Variants in ZFHX3 observed in about 807,000 individuals in gnomAD.
ZFHX3 encodes the protein zinc finger homeobox 3, also known as zinc finger homeobox protein 3.
In ZFHX3, 42 loss-of-function variants were observed where a neutral mutation model predicts 279.1. That is an observed-to-expected ratio of 0.15 (90% CI 0.12 to 0.19). The LOEUF is 0.19. Among genes scored for constraint, ZFHX3 ranks in the 10% least tolerant of loss-of-function variants. ZFHX3 has a pLI of 1.00. For synonymous variants in ZFHX3, 2,293 were observed against 1,957.8 expected (o/e 1.17, Z -4.52); for missense variants, 4,981 against 4,754.0 (o/e 1.05, Z -1.40).
chr16:73,334,762 C>A (rs891314755), intron 3 of ZFHX3, among the ~76,000 whole-genome samples: 5 of 145,440 alleles, frequency 3.4e-5, no homozygotes, highest in South Asian at 2.3e-4. Flanking sequence ...CTGTGATCTT[C>A]CATTAAATTG....
intron 1 of ZFHX3, among the ~76,000 whole-genome samples, chr16:73,683,190 A>C (rs1283331190): frequency 6.6e-6 from 1 of 152,214 alleles, no homozygotes; most frequent in Non-Finnish European, 1.5e-5. Flanking sequence ...TCAGCGATGT[A>C]TATAATGGGT....
At chr16:72,884,817 G>A (rs551068620) in intron 4 of ZFHX3, among the ~76,000 whole-genome samples, 3 of 152,162 alleles carry the variant, frequency 2.0e-5, no homozygotes, top group Non-Finnish European at 4.4e-5. Context: ...TTTTTCAAGA[G>A]CTTCTGGTAA....
chr16:73,422,814 A>G (rs2017741988), intron 3 of ZFHX3, among the ~76,000 whole-genome samples: 1 of 152,220 alleles, frequency 6.6e-6, no homozygotes, highest in Non-Finnish European at 1.5e-5. Context: ...AAACTGTGAA[A>G]CAGACAATCC....
Position 72,959,394 on chromosome 16 carries a change from G to C in ZFHX3, c.752C>G (p.Ala251Gly). The C allele has an allele frequency of 6.2e-7, 1 of 1,614,228 alleles. No individual in the cohort carries two copies. Among genetic ancestry groups the C allele is most frequent in the African/African-American group, 1.3e-5 (1 of 75,064 alleles). The change falls in exon 2 of 10, where the codon GCC becomes GGC. Residue 251 changes from alanine to glycine, a missense_variant. Transcript: ENST00000268489. The part of the protein sequence containing the change: ...NKDYLNSDGS[A>G]KSSCVSKDVP... ...ATCTTTGGATACGCAGGAGCTTTTG[G>C]CAGAACCGTCGCTGTTCAGGTAATC...
intron 2 of ZFHX3, among the ~76,000 whole-genome samples, chr16:73,616,046 T>G (rs1444999394): frequency 6.6e-6 from 1 of 152,050 alleles, no homozygotes; most frequent in African/African-American, 2.4e-5. Flanking sequence ...TTAGAATGTT[T>G]GGATTGAAAG....
intron 7 of ZFHX3, among the ~76,000 whole-genome samples, chr16:72,803,576 T>TACA (rs958621493): frequency 4.6e-5 from 7 of 152,302 alleles, no homozygotes; most frequent in African/African-American, 1.7e-4. Context: ...GCCGCAATCC[T>TACA]ACAATGTCCA....
In ZFHX3 at chr16:72,950,800, C is replaced by T; in HGVS notation, c.2885G>A (p.Gly962Asp). 1 of 1,614,188 alleles carries T rather than the reference C, an allele frequency of 6.2e-7. No individual in the cohort carries two copies. The highest frequency in any genetic ancestry group is 1.3e-5 in the African/African-American group (1 of 75,066). Residue 962 changes from glycine to aspartate, a missense_variant, in exon 3 of 10, where the codon GGC (glycine) becomes GAC (aspartate). By Grantham distance (94) the Gly-to-Asp change is moderately conservative. This residue lies in a region of ZFHX3 where 1,751 missense variants were observed against 1,770.0 expected (regional missense o/e 0.99). Coordinates refer to ENST00000268489, the MANE Select transcript of ZFHX3 (RefSeq NM_006885.4). Reference protein sequence around the residue: ...KFTTDNLDMLGLHMNVERSLS... With the variant: ...KFTTDNLDMLDLHMNVERSLS... Reference sequence around the variant, plus strand: ...GCTGCGCTCCACGTTCATGTGCAGGCCCAGCATGTCCAGGTTGTCCGTCGT... The same window carrying T: ...GCTGCGCTCCACGTTCATGTGCAGGTCCAGCATGTCCAGGTTGTCCGTCGT...
intron 4 of ZFHX3, among the ~76,000 whole-genome samples, chr16:73,310,928 C>T (rs1884555166): frequency 6.6e-6 from 1 of 152,124 alleles, no homozygotes; most frequent in Non-Finnish European, 1.5e-5. Context: ...GCATCACACA[C>T]ATGTCATAAA....
chr16:73,514,781 G>C (rs1419201750), intron 2 of ZFHX3, among the ~76,000 whole-genome samples: 1 of 152,080 alleles, frequency 6.6e-6, no homozygotes, highest in Non-Finnish European at 1.5e-5. Flanking sequence ...AAGGAGGAAG[G>C]CTGGTGAGGG....
chr16:73,017,337 GGGTCTTAGTTT>G (rs1964139035), intron 1 of ZFHX3, among the ~76,000 whole-genome samples: 1 of 152,036 alleles, frequency 6.6e-6, no homozygotes, highest in African/African-American at 2.4e-5. Context: ...CAGGGGAGTG[GGGTCTTAGTTT>G]TGCTCTCATT....
chr16:73,288,493 A>G (rs1388211882), intron 4 of ZFHX3, among the ~76,000 whole-genome samples: 4 of 152,214 alleles, frequency 2.6e-5, no homozygotes, highest in Middle Eastern at 3.2e-3. Context: ...CTTCACCTAC[A>G]GAAAATGAGA....
chr16:72,919,069 G>C (rs1041831296), intron 3 of ZFHX3, among the ~76,000 whole-genome samples: 7 of 152,000 alleles, frequency 4.6e-5, no homozygotes, highest in African/African-American at 1.7e-4. Flanking sequence ...AGATGTGCCT[G>C]GAGGTTGTTA....
chr16:73,575,359 C>T (rs1183818076), intron 2 of ZFHX3, among the ~76,000 whole-genome samples: 2 of 152,174 alleles, frequency 1.3e-5, no homozygotes, highest in Non-Finnish European at 1.5e-5. Flanking sequence ...CACAATCTCC[C>T]TGTTCCGGGC....
At chr16:73,470,976 AACAGGATTCT>A (rs2018655551) in intron 2 of ZFHX3, among the ~76,000 whole-genome samples, 1 of 152,214 alleles carries the variant, frequency 6.6e-6, no homozygotes, top group Non-Finnish European at 1.5e-5. Context: ...CACTAAGAAG[AACAGGATTCT>A]ACAGTGTGGT....
chr16:72,983,577 C>G (rs751687870), intron 1 of ZFHX3, among the ~76,000 whole-genome samples: 7 of 152,130 alleles, frequency 4.6e-5, no homozygotes, highest in Non-Finnish European at 1.0e-4. Context: ...AGTGGTGGCA[C>G]CCACCTGTAG....
chr16:72,883,304 CAAACTACG>C (rs565747113), intron 4 of ZFHX3, among the ~76,000 whole-genome samples: 1 of 152,082 alleles, frequency 6.6e-6, no homozygotes, highest in Non-Finnish European at 1.5e-5. Context: ...ACAGAGTAAT[CAAACTACG>C]AATATTGGCA....
intron 7 of ZFHX3, among the ~76,000 whole-genome samples, chr16:72,811,131 C>G (rs1473288949): frequency 1.3e-5 from 2 of 152,134 alleles, no homozygotes; most frequent in Non-Finnish European, 2.9e-5. Flanking sequence ...GCAATCCCCC[C>G]ACCACGGCCT....
At chr16:73,585,135 A>T (rs930773560) in intron 2 of ZFHX3, among the ~76,000 whole-genome samples, 2 of 152,234 alleles carry the variant, frequency 1.3e-5, no homozygotes, top group African/African-American at 2.4e-5. Flanking sequence ...TAAAACAAAC[A>T]GGTCAGGTGC....
intron 1 of ZFHX3, among the ~76,000 whole-genome samples, chr16:73,782,553 C>A (rs1034829519): frequency 2.0e-5 from 3 of 152,156 alleles, no homozygotes; most frequent in African/African-American, 7.2e-5. Context: ...ACATGAATAT[C>A]CTTGAGTGAA....
Sources: gnomAD v4.1 joint callset for allele counts (sites outside exome capture counted in the v4.1 genomes callset) on GRCh38, gnomAD v4.1.1 for gene constraint, gnomAD v4.1.1 regional missense constraint, MANE v1.5 for transcripts, NCBI Gene and HGNC (gene_info 2026-07-23, HGNC 2026-07-21) for gene names.